The following GRIK1 variants were observed in gnomAD, a reference collection of about 807,000 sequenced individuals.
GRIK1 encodes glutamate ionotropic receptor kainate type subunit 1.
In GRIK1, 69 loss-of-function variants were observed where a neutral mutation model predicts 105.7. That is an observed-to-expected ratio of 0.65 (90% confidence interval 0.54 to 0.80). GRIK1 has a LOEUF of 0.80. Ranked by LOEUF, GRIK1 falls within the 30% of genes least tolerant of loss-of-function variation. The pLI, the probability that GRIK1 is intolerant of heterozygous loss-of-function variation, is 0.00. For synonymous variants in GRIK1, 438 were observed against 431.3 expected, an observed-to-expected ratio of 1.02 and a Z score of -0.19; for missense variants, 1,109 against 1,167.3, an observed-to-expected ratio of 0.95 and a Z score of 0.73.
chr21:29,781,872 T>G (rs111776818), intron 1 of GRIK1, among the ~76,000 whole-genome samples: 18 of 146,764 alleles, frequency 1.2e-4, no homozygotes, highest in Non-Finnish European at 2.3e-4. Flanking sequence ...GGGTTTCACC[T>G]TGTTAGCCAG....
chr21:29,632,315 G>T (rs2062295377), intron 7 of GRIK1, among the ~76,000 whole-genome samples: 1 of 151,830 alleles, frequency 6.6e-6, no homozygotes, highest in Non-Finnish European at 1.5e-5. Flanking sequence ...GCTCCTGATT[G>T]CATTCTTGGT....
chr21:29,721,154 T>A (rs1156569961), intron 1 of GRIK1, among the ~76,000 whole-genome samples: 1 of 151,790 alleles, frequency 6.6e-6, no homozygotes, highest in African/African-American at 2.4e-5. Context: ...TATTGAGCAC[T>A]CACTTTTCTT....
intron 15 of GRIK1, among the ~76,000 whole-genome samples, chr21:29,560,638 G>C (rs1439784243): frequency 6.9e-6 from 1 of 144,116 alleles, no homozygotes; most frequent in Non-Finnish European, 1.5e-5. Flanking sequence ...GTCTCGCTCT[G>C]TTGCCCAGGC....
At chr21:29,694,142 T>TC in intron 1 of GRIK1, 79 bp from the exon 2 acceptor site, 1 of 920,650 alleles carries the variant, frequency 1.1e-6, no homozygotes, top group Non-Finnish European at 1.6e-6. Context: ...TTTTTTTTTT[T>TC]GAGACGGAGT....
At chr21:29,730,149 C>T (rs112294551) in intron 1 of GRIK1, among the ~76,000 whole-genome samples, 2,494 of 152,232 alleles carry the variant, frequency 0.016, 29 homozygotes, top group Middle Eastern at 0.044. Flanking sequence ...TTGGCCAGTC[C>T]GTACCTGAAG....
chr21:29,698,946 T>A (rs2063762762), intron 1 of GRIK1, among the ~76,000 whole-genome samples: 1 of 152,210 alleles, frequency 6.6e-6, no homozygotes, highest in African/African-American at 2.4e-5. Flanking sequence ...ATGCTTTTTT[T>A]ATTAATACAC....
chr21:29,646,976 G>T (rs951626069), intron 6 of GRIK1, among the ~76,000 whole-genome samples: 1 of 151,986 alleles, frequency 6.6e-6, no homozygotes, highest in Non-Finnish European at 1.5e-5. Context: ...CTCCTGAGTA[G>T]CTGGGATTAC....
intron 1 of GRIK1, among the ~76,000 whole-genome samples, chr21:29,929,232 C>G (rs566476059): frequency 6.6e-6 from 1 of 152,146 alleles, no homozygotes. Context: ...TAAGAACCAC[C>G]GGAAGTGGAA....
chr21:29,884,796 T>A (rs2069549586), intron 1 of GRIK1, among the ~76,000 whole-genome samples: 1 of 152,042 alleles, frequency 6.6e-6, no homozygotes, highest in Admixed American at 6.6e-5. Flanking sequence ...CCTCTTAATT[T>A]TAATCTCTCA....
rs1361045037 is a variant in GRIK1 at position 29,587,571 on chromosome 21, C to A, written c.1588G>T (p.Ala530Ser). The change falls in exon 12 of 18, where the codon GCT becomes TCT. Residue 530 changes from alanine to serine, a missense_variant. Transcript: ENST00000327783. ...LIDHRADLAV[A>S]PLTITYVREK... ...CGCACGTAGGTGATGGTAAGAGGAG[C>A]CACTGCCAGGTCAGCCCTCTGCAAA... is the stretch of plus-strand genomic sequence containing the variant. The A allele has an allele frequency of 6.2e-7, 1 of 1,610,812 alleles. No individual in the cohort carries two copies. The highest frequency in any genetic ancestry group is 8.5e-7 in the Non-Finnish European group (1 of 1,177,238).
chr21:29,884,252 G>C (rs535767994), intron 1 of GRIK1, among the ~76,000 whole-genome samples: 7 of 151,928 alleles, frequency 4.6e-5, no homozygotes, highest in Non-Finnish European at 1.0e-4. Flanking sequence ...GCCAAGATAT[G>C]GTCTAATCTT....
chr21:29,566,867 C>T (rs2090622627), intron 14 of GRIK1, among the ~76,000 whole-genome samples: 1 of 151,448 alleles, frequency 6.6e-6, no homozygotes, highest in South Asian at 2.1e-4. Flanking sequence ...GGTCTGTGTT[C>T]TTAAACAACA....
At chr21:29,812,743 G>T (rs548727119) in intron 1 of GRIK1, among the ~76,000 whole-genome samples, 1 of 152,236 alleles carries the variant, frequency 6.6e-6, no homozygotes, top group East Asian at 1.9e-4. Flanking sequence ...AAACAAGCCG[G>T]CCAGGCTGGG....
intron 1 of GRIK1, among the ~76,000 whole-genome samples, chr21:29,763,427 C>T (rs544762196): frequency 8.5e-5 from 13 of 152,152 alleles, no homozygotes; most frequent in Admixed American, 5.2e-4. Context: ...AGGGACTAAG[C>T]GTCACAAGAA....
At chr21:29,825,200 T>C (rs985743311) in intron 1 of GRIK1, among the ~76,000 whole-genome samples, 1 of 152,032 alleles carries the variant, frequency 6.6e-6, no homozygotes, top group Non-Finnish European at 1.5e-5. Flanking sequence ...AGTTACAATT[T>C]CTTTTTTTAG....
At chr21:29,560,362 TTTCTTCCTTCCTTCCTTCCTTC>T (rs2090393496) in intron 15 of GRIK1, among the ~76,000 whole-genome samples, 2 of 49,016 alleles carry the variant, frequency 4.1e-5, no homozygotes, top group African/African-American at 1.8e-4. Context: ...TTTCTTTTTC[TTTCTTCCTTCCTTCCTTCCTTC>T]CTTCCTTCCT....
At chr21:29,539,439 G>T (rs2089934846) in intron 16 of GRIK1, among the ~76,000 whole-genome samples, 1 of 152,158 alleles carries the variant, frequency 6.6e-6, no homozygotes, top group African/African-American at 2.4e-5. Context: ...CGTGCTGAAA[G>T]TAAAACACAG....
At chr21:29,582,570 A>C (rs572165754) in intron 12 of GRIK1, among the ~76,000 whole-genome samples, 7 of 152,230 alleles carry the variant, frequency 4.6e-5, no homozygotes, top group Admixed American at 2.0e-4. Flanking sequence ...GTGGAACCAA[A>C]TATATTTTTT....
chr21:29,929,137 G>A (rs117509189), intron 1 of GRIK1, among the ~76,000 whole-genome samples: 4,389 of 152,234 alleles, frequency 0.029, 85 homozygotes, highest in Non-Finnish European at 0.038. Flanking sequence ...ATGGAGATCA[G>A]CAGACGCACC....
Sources: allele counts gnomAD v4.1 joint callset (sites outside exome capture counted in the v4.1 genomes callset), GRCh38; gene constraint gnomAD v4.1.1; transcripts MANE v1.5; gene names NCBI Gene and HGNC (gene_info 2026-07-23, HGNC 2026-07-21).